TMEM232: variants seen among roughly 807,000 people sequenced by gnomAD.
TMEM232 encodes the protein transmembrane protein 232.
TMEM232 carries 80 observed loss-of-function variants against 78.8 expected under a neutral mutation model. That is an observed-to-expected ratio of 1.01 (90% CI 0.85 to 1.22). The LOEUF is 1.22. Ranked by LOEUF, TMEM232 falls within the 50% of genes most tolerant of loss-of-function variation. The pLI is 0.00. For missense variants in TMEM232, 881 were observed against 742.2 expected, an observed-to-expected ratio of 1.19 and a Z score of -2.17; for synonymous variants, 297 against 254.3, an observed-to-expected ratio of 1.17 and a Z score of -1.60.
intron 1 of TMEM232, among the ~76,000 whole-genome samples, chr5:110,716,476 G>A (rs184949771): frequency 1.2e-4 from 19 of 152,260 alleles, no homozygotes; most frequent in African/African-American, 3.4e-4. Flanking sequence ...GACAGTGACA[G>A]ATCATCAGTC....
At chr5:110,507,878 C>G (rs909323556) in intron 12 of TMEM232, among the ~76,000 whole-genome samples, 1 of 152,144 alleles carries the variant, frequency 6.6e-6, no homozygotes, top group East Asian at 1.9e-4. Flanking sequence ...AATGCCATTT[C>G]TAATCCAGCA....
At chr5:110,685,921 T>C (rs1355770633) in intron 1 of TMEM232, among the ~76,000 whole-genome samples, 9 of 152,012 alleles carry the variant, frequency 5.9e-5, no homozygotes, top group African/African-American at 2.2e-4. Context: ...TGATTTCATA[T>C]ATGAGAAATT....
At chr5:110,463,800 C>G (rs1021331629) in intron 12 of TMEM232, among the ~76,000 whole-genome samples, 14 of 152,152 alleles carry the variant, frequency 9.2e-5, no homozygotes, top group Admixed American at 3.3e-4. Flanking sequence ...TACTCCACAC[C>G]CTCCATTGCA....
Position 110,606,263 on chromosome 5 carries a change from C to T in TMEM232, c.927G>A (p.Leu309=). ...KCWLDSVLAL[L]VLGEAAKLNM... ...TTAATTTGGCAGCCTCCCCAAGGAC[C>T]AGTAAAGCCAGTACTGAATCCAACC... Residue 309 remains leucine, a synonymous_variant, in exon 9 of 14, where the codon CTG becomes CTA. Transcript: ENST00000455884. The T allele has an allele frequency of 6.5e-7, 1 of 1,542,084 alleles. No individual in the cohort carries two copies. The highest frequency in any genetic ancestry group is 8.8e-7 in the Non-Finnish European group (1 of 1,140,384).
At chr5:110,447,770 G>A (rs1486541227) in intron 12 of TMEM232, among the ~76,000 whole-genome samples, 4 of 152,070 alleles carry the variant, frequency 2.6e-5, no homozygotes, top group Non-Finnish European at 5.9e-5. Context: ...AAGTATCATA[G>A]TAAAAGCAGT....
chr5:110,662,738 G>T (rs1434295176), intron 2 of TMEM232, among the ~76,000 whole-genome samples: 2 of 151,964 alleles, frequency 1.3e-5, no homozygotes, highest in Non-Finnish European at 2.9e-5. Context: ...AGTAGAGAAA[G>T]GATTTTTTCC....
rs193298518 is a variant in TMEM232, at chr5:110,396,632, T to C, written n.390+1141A>G. On this transcript the variant is annotated intron_variant and non_coding_transcript_variant, in intron 3 of 8. Coordinates refer to the TMEM232 transcript ENST00000507188. The stretch of plus-strand genomic sequence containing the variant: ...CTGAGGAGCTCACAAATCAGTGATA[T>C]GTGATAAATATTCAATAATAAAAAA... 8.5e-5 allele frequency among the ~76,000 whole-genome samples: 13 copies of C among 152,246 alleles called. 1 individual carries two copies. The East Asian group carries it at 2.1e-3, about 25-fold the overall frequency.
chr5:110,667,273 T>C lies in TMEM232; in HGVS notation c.80A>G (p.Lys27Arg), dbSNP rs181213936. The C allele has an allele frequency of 7.8e-3, 12,032 of 1,547,184 alleles. 52 individuals are homozygous for C. Among genetic ancestry groups the C allele is most frequent in the Non-Finnish European group, 9.3e-3 (10,641 of 1,144,280 alleles). Residue 27 changes from lysine (K) to arginine (R), a missense_variant, in exon 2 of 14, where the codon AAA becomes AGA. Physicochemically the swap from Lys to Arg is conservative, Grantham distance 26. Coordinates refer to ENST00000455884, the MANE Select transcript of TMEM232 (RefSeq NM_001039763.4). ...ISSPYHEELWKLNFQHLSGER... is the reference protein window; with the variant it reads ...ISSPYHEELWRLNFQHLSGER... ...TCCACTTAAATGTTGAAAATTTAAT[T>C]TCCAGAGCTCTTCATGATAAGGGGA... is the stretch of plus-strand genomic sequence containing the variant.
At position 110,726,633 on chromosome 5, in the gene TMEM232, G is replaced by T. The variant is rs1276173093; in HGVS notation, c.-19C>A. 1 of 152,178 alleles carries T rather than the reference G, an allele frequency of 6.6e-6. No homozygotes were observed. Among genetic ancestry groups the T allele is most frequent in the African/African-American group, 2.4e-5 (1 of 41,408 alleles). The allele number at this position is 152,178 out of a possible 1,614,324, so 9.4% of individuals were successfully genotyped here. ...GGACCTCTTAATCACTCACCGCTGC[G>T]CTCTGAGCCGCTGGGAACCAAGGCT... On this transcript the variant is annotated 5_prime_UTR_variant, in exon 1 of 14. Coordinates refer to ENST00000455884, the MANE Select transcript of TMEM232 (RefSeq NM_001039763.4).
intron 1 of TMEM232, among the ~76,000 whole-genome samples, chr5:110,707,406 G>A (rs528167954): frequency 2.6e-5 from 4 of 152,296 alleles, no homozygotes; most frequent in African/African-American, 9.6e-5. Flanking sequence ...CTGTCACAGT[G>A]GATAACAAAG....
At chr5:110,414,097 T>G (rs1043337212) in intron 2 of TMEM232, among the ~76,000 whole-genome samples, 11 of 152,256 alleles carry the variant, frequency 7.2e-5, no homozygotes, top group Non-Finnish European at 1.2e-4. Flanking sequence ...GTTTGGGGAA[T>G]GCTCTTTCCT....
intron 10 of TMEM232, among the ~76,000 whole-genome samples, chr5:110,601,515 G>A (rs1355926750): frequency 6.7e-6 from 1 of 149,888 alleles, no homozygotes; most frequent in Non-Finnish European, 1.5e-5. Flanking sequence ...ATGATAGACA[G>A]CACAAATCAT....
chr5:110,629,610 G>T (rs572101665), intron 5 of TMEM232, among the ~76,000 whole-genome samples: 1 of 151,584 alleles, frequency 6.6e-6, no homozygotes, highest in East Asian at 1.9e-4. Flanking sequence ...TCCTTCATTC[G>T]ACCTTTACCT....
chr5:110,393,102 G>T (rs1755263088), intron 3 of TMEM232, among the ~76,000 whole-genome samples: 1 of 152,054 alleles, frequency 6.6e-6, no homozygotes, highest in African/African-American at 2.4e-5. Flanking sequence ...ATAATATGTT[G>T]GGGGAATAGA....
intron 2 of TMEM232, among the ~76,000 whole-genome samples, chr5:110,657,696 T>A (rs967414089): frequency 6.6e-6 from 1 of 152,082 alleles, no homozygotes; most frequent in Non-Finnish European, 1.5e-5. Flanking sequence ...AGGGTGACTA[T>A]AGTAAATAAC....
In TMEM232 at chr5:110,462,872, G is replaced by T. The variant is rs967327738; in HGVS notation, c.1704-37956C>A. ...TGGAGTCTAAAGATGTGACAATTGC[G>T]GCAAACTCATGATCAAATTTGAACA... is the stretch of plus-strand genomic sequence containing the variant. On this transcript the variant is annotated intron_variant, in intron 12 of 13. Coordinates refer to ENST00000455884, the MANE Select transcript of TMEM232 (RefSeq NM_001039763.4). Among the ~76,000 whole-genome samples, 4 of 152,162 alleles carry T rather than the reference G, an allele frequency of 2.6e-5. No individual in the cohort carries two copies. The South Asian group carries it at 8.3e-4, about 32-fold the overall frequency.
intron 3 of TMEM232, among the ~76,000 whole-genome samples, 176 bp downstream of exon 3, chr5:110,642,084 C>G (rs996898225): frequency 4.6e-5 from 7 of 151,864 alleles, no homozygotes; most frequent in African/African-American, 1.7e-4. Context: ...TTACAGGGAG[C>G]TTTTATTATT....
At chr5:110,485,182 T>A (rs936637147) in intron 12 of TMEM232, among the ~76,000 whole-genome samples, 1 of 152,148 alleles carries the variant, frequency 6.6e-6, no homozygotes, top group African/African-American at 2.4e-5. Context: ...AATATGCAGA[T>A]AACAAGATAA....
intron 1 of TMEM232, among the ~76,000 whole-genome samples, chr5:110,722,038 A>G (rs1238099455): frequency 1.3e-5 from 2 of 151,928 alleles, no homozygotes; most frequent in Non-Finnish European, 2.9e-5. Flanking sequence ...TTTTATTGAT[A>G]TCACATAAAA....
Sources: gnomAD v4.1 joint callset for allele counts (sites outside exome capture counted in the v4.1 genomes callset) on GRCh38, gnomAD v4.1.1 for gene constraint, MANE v1.5 for transcripts, NCBI Gene and HGNC (gene_info 2026-07-23, HGNC 2026-07-21) for gene names.